The following PCDHA5 variants were observed in gnomAD, a reference collection of about 807,000 sequenced individuals.
The protein encoded by PCDHA5 is protocadherin alpha 5, also known as protocadherin alpha-5.
A neutral mutation model predicts 61.6 loss-of-function variants in PCDHA5; 43 were observed. The ratio of observed to expected loss-of-function variants is 0.70; its 90% CI spans 0.55 to 0.90. PCDHA5 has a LOEUF of 0.90. Among genes scored for constraint, PCDHA5 ranks in the 40% least tolerant of loss-of-function variants. The pLI, the probability that PCDHA5 is intolerant of heterozygous loss-of-function variation, is 0.00. For missense variants in PCDHA5, 1,298 were observed against 1,222.7 expected (o/e 1.06, Z -0.92); for synonymous variants, 627 against 543.9 (o/e 1.15, Z -2.13).
At position 140,870,179 on chromosome 5, in the gene PCDHA5, G is replaced by C. The variant is rs184228916; in HGVS notation, c.2352+46052G>C. ...GTGACTTCCTTGTCCCTCCCAGTACGAGAGGACGCTCAGCCCAGCACGGTC... is the reference window on the plus strand; with the variant it reads ...GTGACTTCCTTGTCCCTCCCAGTACCAGAGGACGCTCAGCCCAGCACGGTC... On this transcript the variant is annotated intron_variant, in intron 1 of 3. Transcript: ENST00000529859. 4.9e-4 allele frequency: 783 copies of C among 1,614,104 alleles called. 1 individual carries two copies. In the African/African-American group the frequency reaches 9.2e-3, roughly 19 times the overall value.
At chr5:140,915,479 G>T (rs1170530979) in intron 1 of PCDHA5, among the ~76,000 whole-genome samples, 1 of 151,948 alleles carries the variant, frequency 6.6e-6, no homozygotes, top group African/African-American at 2.4e-5. Flanking sequence ...AAGGAGCTTG[G>T]GCCTCAATCC....
chr5:140,883,306 C>T (rs2059544095), intron 1 of PCDHA5: 2 of 1,614,050 alleles, frequency 1.2e-6, no homozygotes, highest in Non-Finnish European at 8.5e-7. Context: ...TAAATGATAA[C>T]GCCCCAGAGG....
chr5:140,884,489 T>G, intron 1 of PCDHA5: 1 of 1,613,936 alleles, frequency 6.2e-7, no homozygotes, highest in East Asian at 2.2e-5. Flanking sequence ...CACTCTAGTG[T>G]GCTCCAGCGC....
At chr5:140,907,915 C>T (rs1554193177) in intron 1 of PCDHA5, among the ~76,000 whole-genome samples, 1 of 152,234 alleles carries the variant, frequency 6.6e-6, no homozygotes, top group Admixed American at 6.5e-5. Context: ...TTTGACCACT[C>T]AGAGAGGTCC....
Position 140,841,790 on chromosome 5 carries a change from G to A in PCDHA5, c.2352+17663G>A, listed in dbSNP as rs2150322746. The A allele has an allele frequency of 5.6e-6, 9 of 1,613,884 alleles. No individual in the cohort carries two copies. The South Asian group carries it at 7.7e-5, about 14-fold the overall frequency. The stretch of plus-strand genomic sequence containing the variant: ...AGACTCTCGGTTTCCGCTAGAGGGC[G>A]CGTCCGATGCAGATGTTGGAGCTAA... On this transcript the variant is annotated intron_variant, in intron 1 of 3. Coordinates refer to ENST00000529859, the MANE Select transcript of PCDHA5 (RefSeq NM_018908.3).
At chr5:140,849,879 G>T (rs1554143450) in intron 1 of PCDHA5, 2 of 1,598,636 alleles carry the variant, frequency 1.3e-6, no homozygotes, top group Admixed American at 1.7e-5. Context: ...CGAGTACACG[G>T]TGTTCGTGAA....
intron 1 of PCDHA5, chr5:140,828,807 C>T: frequency 1.2e-6 from 2 of 1,614,222 alleles, no homozygotes; most frequent in African/African-American, 1.3e-5. Flanking sequence ...AATGATAATG[C>T]TCCCACTTTC....
intron 1 of PCDHA5, chr5:140,927,653 G>A: frequency 6.2e-7 from 1 of 1,614,190 alleles, no homozygotes; most frequent in Non-Finnish European, 8.5e-7. Context: ...GTGTTATTCC[G>A]AGTTCAAGCC....
Position 140,967,363 on chromosome 5 carries a change from C to T in PCDHA5, c.2353-11586C>T, listed in dbSNP as rs539138806. On this transcript the variant is annotated intron_variant, in intron 1 of 3. Coordinates refer to ENST00000529859, the MANE Select transcript of PCDHA5 (RefSeq NM_018908.3). ...AGCACTTCGAGCTGGACCTTAAGCCCCTGCAGGAGAACAGTAAAGTGCTTG... is the reference window on the plus strand; with the variant it reads ...AGCACTTCGAGCTGGACCTTAAGCCTCTGCAGGAGAACAGTAAAGTGCTTG... The T allele has an allele frequency of 1.6e-5, 26 of 1,607,546 alleles. No homozygotes were observed. The South Asian group carries it at 2.9e-4, about 18-fold the overall frequency.
chr5:140,926,526 C>G (rs2083305621), intron 1 of PCDHA5: 1 of 209,510 alleles, frequency 4.8e-6, no homozygotes, highest in Non-Finnish European at 9.3e-6. Flanking sequence ...GCCCTGCGCC[C>G]GCAGCCAGCG....
intron 3 of PCDHA5, among the ~76,000 whole-genome samples, chr5:140,991,894 C>T (rs1426754578): frequency 6.6e-6 from 1 of 152,164 alleles, no homozygotes; most frequent in Non-Finnish European, 1.5e-5. Context: ...AACAAATTAA[C>T]ACAAAATCCC....
intron 1 of PCDHA5, among the ~76,000 whole-genome samples, chr5:140,898,226 G>T (rs2066602879): frequency 6.6e-6 from 1 of 152,262 alleles, no homozygotes; most frequent in African/African-American, 2.4e-5. Flanking sequence ...GGCTTTTGTT[G>T]CCATTGCTTT....
At chr5:140,914,059 G>A (rs2076582448) in intron 1 of PCDHA5, among the ~76,000 whole-genome samples, 1 of 152,202 alleles carries the variant, frequency 6.6e-6, no homozygotes, top group African/African-American at 2.4e-5. Flanking sequence ...GCTGTTGGAT[G>A]AAATGCTCCA....
chr5:140,857,337 G>T, intron 1 of PCDHA5: 1 of 1,598,496 alleles, frequency 6.3e-7, no homozygotes, highest in South Asian at 1.1e-5. Context: ...CGGGACGGGG[G>T]CTCGCCTCCG....
intron 1 of PCDHA5, chr5:140,870,835 A>G (rs1304748663): frequency 1.9e-6 from 3 of 1,613,670 alleles, no homozygotes; most frequent in Admixed American, 3.3e-5. Context: ...CGCAGTTAAC[A>G]AGCTAGTACC....
At chr5:140,850,689 T>A in intron 1 of PCDHA5, 2 of 1,594,932 alleles carry the variant, frequency 1.3e-6, no homozygotes, top group Non-Finnish European at 1.7e-6. Context: ...CGAGGGCGAG[T>A]GCGCGCCTGG....
At chr5:140,842,619 C>T (rs2150340837) in intron 1 of PCDHA5, 8 of 1,575,272 alleles carry the variant, frequency 5.1e-6, no homozygotes, top group Middle Eastern at 1.7e-4. Context: ...GGGGGCTCGC[C>T]TTCGCTGTGG....
intron 1 of PCDHA5, chr5:140,969,402 T>C: frequency 6.3e-7 from 1 of 1,579,638 alleles, no homozygotes; most frequent in Non-Finnish European, 8.6e-7. Flanking sequence ...TCCTGTGATT[T>C]GGCTTTATTG....
At chr5:140,829,882 T>G (rs2150176879) in intron 1 of PCDHA5, 871,135 of 1,613,724 alleles carry the variant, frequency 0.54, 237,229 homozygotes, top group African/African-American at 0.72. Flanking sequence ...TGCGCGCAGT[T>G]GACGCCGACT....
Sources: gnomAD v4.1 joint callset for allele counts (sites outside exome capture counted in the v4.1 genomes callset) on GRCh38, gnomAD v4.1.1 for gene constraint, MANE v1.5 for transcripts, NCBI Gene and HGNC (gene_info 2026-07-23, HGNC 2026-07-21) for gene names.